The following DLG2 variants were observed in gnomAD, a reference collection of about 807,000 sequenced individuals.
The protein encoded by DLG2 is discs large MAGUK scaffold protein 2, also known as disks large homolog 2.
DLG2 carries 45 observed loss-of-function variants against 132.5 expected under a neutral mutation model. The ratio of observed to expected loss-of-function variants is 0.34; its 90% CI spans 0.27 to 0.44. DLG2 has a LOEUF of 0.44. Ranked by LOEUF, DLG2 falls within the 20% of genes least tolerant of loss-of-function variation. DLG2 has a pLI of 1.00. For missense variants in DLG2, 1,045 were observed against 1,196.9 expected (o/e 0.87, Z 1.87); for synonymous variants, 424 against 419.6 (o/e 1.01, Z -0.13).
intron 3 of DLG2, among the ~76,000 whole-genome samples, chr11:85,383,383 A>G (rs1214955930): frequency 6.6e-6 from 1 of 152,186 alleles, no homozygotes; most frequent in East Asian, 1.9e-4. Flanking sequence ...CTGGAATTAT[A>G]TAGCTATAAC....
intron 6 of DLG2, among the ~76,000 whole-genome samples, chr11:84,560,849 T>C (rs1011193558): frequency 1.3e-5 from 2 of 152,070 alleles, no homozygotes; most frequent in African/African-American, 4.8e-5. Context: ...ATTTTGGAGT[T>C]AGAGTACTCA....
intron 4 of DLG2, among the ~76,000 whole-genome samples, chr11:85,157,985 C>T (rs2077716953): frequency 1.3e-5 from 2 of 152,184 alleles, no homozygotes; most frequent in South Asian, 4.2e-4. Flanking sequence ...ACACCCTCCC[C>T]TGAGGCAGTT....
At chr11:84,605,693 T>C (rs1209350217) in intron 6 of DLG2, among the ~76,000 whole-genome samples, 1 of 151,828 alleles carries the variant, frequency 6.6e-6, no homozygotes, top group Non-Finnish European at 1.5e-5. Context: ...ATCCCAGAAC[T>C]CCTGTCTATT....
At chr11:84,823,264 C>T (rs1335973211) in intron 6 of DLG2, among the ~76,000 whole-genome samples, 1 of 151,598 alleles carries the variant, frequency 6.6e-6, no homozygotes, top group Non-Finnish European at 1.5e-5. Flanking sequence ...CTTAAAATGA[C>T]CTACTAGTAT....
At chr11:83,469,936 A>C (rs1323247633) in intron 24 of DLG2, among the ~76,000 whole-genome samples, 1 of 152,176 alleles carries the variant, frequency 6.6e-6, no homozygotes, top group Non-Finnish European at 1.5e-5. Context: ...TCACAGTTAG[A>C]TAGGACTAAA....
chr11:83,590,911 G>A (rs541156892), intron 19 of DLG2, among the ~76,000 whole-genome samples: 51 of 150,398 alleles, frequency 3.4e-4, no homozygotes, highest in South Asian at 1.3e-3. Context: ...TAAATTCCTC[G>A]ACACATACAC....
intron 6 of DLG2, among the ~76,000 whole-genome samples, chr11:85,023,626 G>A (rs185012427): frequency 1.3e-5 from 2 of 151,942 alleles, no homozygotes; most frequent in Non-Finnish European, 2.9e-5. Flanking sequence ...GACTTCAGCA[G>A]AAAAGAAAAA....
At chr11:84,645,719 A>G (rs1215251473) in intron 6 of DLG2, among the ~76,000 whole-genome samples, 1 of 152,162 alleles carries the variant, frequency 6.6e-6, no homozygotes, top group Non-Finnish European at 1.5e-5. Flanking sequence ...CGCCAGCCTC[A>G]GCCTCTCAAA....
At chr11:84,688,769 A>G (rs1452395929) in intron 6 of DLG2, among the ~76,000 whole-genome samples, 1 of 152,120 alleles carries the variant, frequency 6.6e-6, no homozygotes, top group African/African-American at 2.4e-5. Flanking sequence ...GACCCTTCCA[A>G]TCTCCACTGT....
chr11:84,719,233 C>A (rs996957532), intron 6 of DLG2, among the ~76,000 whole-genome samples: 1 of 152,194 alleles, frequency 6.6e-6, no homozygotes, highest in Non-Finnish European at 1.5e-5. Flanking sequence ...GCCTAAGGTG[C>A]TTACCAGCTG....
rs142970435 is a variant in DLG2 at position 83,863,659 on chromosome 11, A to G, written c.1565+10761T>C. On this transcript the variant is annotated intron_variant, in intron 16 of 27. Transcript: ENST00000376104. Reference sequence around the variant, plus strand: ...AGGCCATTTATAGACTTAAAAAAATAAACTGTCAAAAAAATCCTATGTAGC... The same window carrying G: ...AGGCCATTTATAGACTTAAAAAAATGAACTGTCAAAAAAATCCTATGTAGC... Among the ~76,000 whole-genome samples, 356 of 152,260 alleles carry G rather than the reference A, an allele frequency of 2.3e-3. 1 individual carries two copies. The highest frequency in any genetic ancestry group is 6.8e-3 in the Middle Eastern group (2 of 294).
chr11:84,174,468 T>C (rs940332383), intron 8 of DLG2, among the ~76,000 whole-genome samples: 3 of 152,186 alleles, frequency 2.0e-5, no homozygotes, highest in Non-Finnish European at 2.9e-5. Flanking sequence ...AAAAACGTTT[T>C]CTAGCCAAGT....
chr11:85,016,477 T>C (rs1354858984), intron 6 of DLG2, among the ~76,000 whole-genome samples: 2 of 152,112 alleles, frequency 1.3e-5, no homozygotes, highest in African/African-American at 4.8e-5. Context: ...TTTGAACTAT[T>C]TTCTCACCAA....
At chr11:85,387,992 G>A (rs1278404588) in intron 3 of DLG2, among the ~76,000 whole-genome samples, 2 of 152,224 alleles carry the variant, frequency 1.3e-5, no homozygotes, top group African/African-American at 4.8e-5. Context: ...CCATGGGACA[G>A]CTGAGGAACT....
chr11:83,691,073 G>A (rs940744578), intron 18 of DLG2, among the ~76,000 whole-genome samples: 3 of 152,148 alleles, frequency 2.0e-5, no homozygotes, highest in East Asian at 1.9e-4. Context: ...ACATGTGCAC[G>A]TTGCAGCTTG....
At chr11:85,509,733 G>A (rs1329461692) in intron 3 of DLG2, among the ~76,000 whole-genome samples, 1 of 151,998 alleles carries the variant, frequency 6.6e-6, no homozygotes, top group Non-Finnish European at 1.5e-5. Context: ...GATACATAGT[G>A]AACGAAAATA....
At chr11:83,949,182 A>G (rs1254726547) in intron 14 of DLG2, among the ~76,000 whole-genome samples, 1 of 152,158 alleles carries the variant, frequency 6.6e-6, no homozygotes, top group Non-Finnish European at 1.5e-5. Context: ...AAAGCACTGT[A>G]GAAACCAAGT....
intron 22 of DLG2, chr11:83,480,505 T>A: frequency 6.7e-7 from 1 of 1,497,390 alleles, no homozygotes; most frequent in South Asian, 1.2e-5. Flanking sequence ...CTACCAGAAA[T>A]GTGAGCGAAA....
At chr11:84,144,508 T>C (rs2094989730) in intron 9 of DLG2, among the ~76,000 whole-genome samples, 1 of 152,118 alleles carries the variant, frequency 6.6e-6, no homozygotes, top group South Asian at 2.1e-4. Flanking sequence ...AGGGTATCAA[T>C]TGGCCTAAAT....
Sources: gnomAD v4.1 joint callset for allele counts (sites outside exome capture counted in the v4.1 genomes callset) on GRCh38, gnomAD v4.1.1 for gene constraint, MANE v1.5 for transcripts, NCBI Gene and HGNC (gene_info 2026-07-23, HGNC 2026-07-21) for gene names.